The following SGCD variants were observed in gnomAD, a reference collection of about 807,000 sequenced individuals.
The protein encoded by SGCD is sarcoglycan delta.
In SGCD, 18 loss-of-function variants were observed where a neutral mutation model predicts 36.6. The ratio of observed to expected loss-of-function variants is 0.49; its 90% CI spans 0.34 to 0.73. The LOEUF is 0.73. Among genes scored for constraint, SGCD ranks in the 30% least tolerant of loss-of-function variants. The pLI, the probability that SGCD is intolerant of heterozygous loss-of-function variation, is 0.01. For missense variants in SGCD, 387 were observed against 346.7 expected (o/e 1.12, Z -0.92); for synonymous variants, 133 against 130.6 (o/e 1.02, Z -0.12).
At chr5:156,526,933 G>A (rs1451815511) in intron 4 of SGCD, among the ~76,000 whole-genome samples, 1 of 152,162 alleles carries the variant, frequency 6.6e-6, no homozygotes, top group Non-Finnish European at 1.5e-5. Flanking sequence ...AGTTACTGAG[G>A]GCTTTGGTCG....
chr5:156,007,755 C>T (rs780604570), intron 1 of SGCD, among the ~76,000 whole-genome samples: 5 of 152,074 alleles, frequency 3.3e-5, no homozygotes, highest in South Asian at 2.1e-4. Flanking sequence ...GACATGTAAG[C>T]GACTTGTTAT....
chr5:156,396,532 C>T (rs1362904300), intron 3 of SGCD, among the ~76,000 whole-genome samples: 1 of 152,106 alleles, frequency 6.6e-6, no homozygotes, highest in Admixed American at 6.6e-5. Flanking sequence ...TTGGACTTCT[C>T]AACCGAGGGA....
the SGCD span, among the ~76,000 whole-genome samples, chr5:155,849,443 C>G: frequency 8.0e-5 from 12 of 149,984 alleles, no homozygotes; most frequent in African/African-American, 2.7e-4. Flanking sequence ...CACATGTGCG[C>G]GCGCACACAC....
chr5:156,570,842 G>A (rs1476442606), intron 4 of SGCD, among the ~76,000 whole-genome samples: 1 of 151,928 alleles, frequency 6.6e-6, no homozygotes, highest in Admixed American at 6.6e-5. Context: ...GTGTTCCCCA[G>A]CTTTCTCTTA....
chr5:156,573,923 C>T (rs1468636169), intron 4 of SGCD, among the ~76,000 whole-genome samples: 1 of 152,028 alleles, frequency 6.6e-6, no homozygotes, highest in East Asian at 1.9e-4. Flanking sequence ...AAACTCCTAG[C>T]CTCAAGTGAT....
chr5:156,510,248 C>T (rs78118273), intron 4 of SGCD, among the ~76,000 whole-genome samples: 2,899 of 152,242 alleles, frequency 0.019, 57 homozygotes, highest in Non-Finnish European at 0.029. Flanking sequence ...ACTTAAAGTA[C>T]ACAGAGTATT....
chr5:156,054,387 G>T (rs1760006525), intron 1 of SGCD, among the ~76,000 whole-genome samples: 1 of 139,830 alleles, frequency 7.2e-6, no homozygotes, highest in African/African-American at 2.6e-5. Flanking sequence ...CCGGGTTCAC[G>T]CCATTCTCCT....
the SGCD span, among the ~76,000 whole-genome samples, chr5:155,832,856 C>G: frequency 6.6e-6 from 1 of 151,670 alleles, no homozygotes; most frequent in Non-Finnish European, 1.5e-5. Flanking sequence ...CTTATATGTA[C>G]CTTTTCAGCC....
intron 1 of SGCD, among the ~76,000 whole-genome samples, chr5:155,996,537 G>C (rs1209482645): frequency 6.6e-6 from 1 of 152,186 alleles, no homozygotes; most frequent in Non-Finnish European, 1.5e-5. Context: ...CAGCAGTTTG[G>C]GAGGCCGAGG....
chr5:156,404,538 T>C (rs1053703525), intron 3 of SGCD, among the ~76,000 whole-genome samples: 1 of 152,332 alleles, frequency 6.6e-6, no homozygotes, highest in African/African-American at 2.4e-5. Context: ...CAGAATATTT[T>C]GTCTTATTTC....
chr5:156,168,013 G>A (rs1415160527), intron 3 of SGCD, among the ~76,000 whole-genome samples: 1 of 152,126 alleles, frequency 6.6e-6, no homozygotes, highest in Admixed American at 6.5e-5. Context: ...TTGAGCAAGT[G>A]GCTTAAACTT....
chr5:156,191,404 A>G (rs1027987374), intron 3 of SGCD, among the ~76,000 whole-genome samples: 5 of 152,124 alleles, frequency 3.3e-5, no homozygotes, highest in African/African-American at 4.8e-5. Context: ...AGGAGTGTCA[A>G]TCTGTTCATT....
intron 8 of SGCD, 93 bp downstream of exon 8, chr5:156,757,797 G>T (rs1757399144): frequency 6.9e-7 from 1 of 1,445,086 alleles, no homozygotes; most frequent in East Asian, 2.5e-5. Context: ...GGATCCTACA[G>T]TGTATCAACA....
chr5:156,373,812 A>G (rs1488825226), intron 3 of SGCD, among the ~76,000 whole-genome samples: 1 of 152,240 alleles, frequency 6.6e-6, no homozygotes, highest in Non-Finnish European at 1.5e-5. Flanking sequence ...AGGGTGTGAC[A>G]TAGTGGCATG....
the SGCD span, among the ~76,000 whole-genome samples, chr5:155,850,090 C>CAATT: frequency 6.9e-6 from 1 of 143,888 alleles, no homozygotes; most frequent in Non-Finnish European, 1.6e-5. Context: ...TGGGCTCATC[C>CAATT]TAATTGATTA....
upstream of SGCD, among the ~76,000 whole-genome samples, chr5:155,866,625 G>T (rs1054039839): frequency 2.6e-5 from 4 of 152,110 alleles, no homozygotes; most frequent in Non-Finnish European, 5.9e-5. Context: ...TGCTGCTGCT[G>T]CTAGTACTAC....
At chr5:156,529,412 T>C (rs563701851) in intron 4 of SGCD, among the ~76,000 whole-genome samples, 3 of 125,902 alleles carry the variant, frequency 2.4e-5, no homozygotes, top group Admixed American at 9.9e-5. Flanking sequence ...CAACAGGGTG[T>C]GACTCTGTCT....
intron 1 of SGCD, among the ~76,000 whole-genome samples, chr5:155,944,728 A>C (rs1757403399): frequency 6.6e-6 from 1 of 152,200 alleles, no homozygotes; most frequent in African/African-American, 2.4e-5. Flanking sequence ...AAAGACAGAT[A>C]ATCTGACAAA....
intron 3 of SGCD, among the ~76,000 whole-genome samples, chr5:156,502,201 C>CA (rs1554109499): frequency 1.3e-5 from 2 of 152,084 alleles, no homozygotes; most frequent in Non-Finnish European, 2.9e-5. Context: ...CACCCACCAC[C>CA]ACCCCTGGCT....
Sources: allele counts gnomAD v4.1 joint callset (sites outside exome capture counted in the v4.1 genomes callset), GRCh38; gene constraint gnomAD v4.1.1; transcripts MANE v1.5; gene names NCBI Gene and HGNC (gene_info 2026-07-23, HGNC 2026-07-21).